The following CACNA2D3 variants were observed in gnomAD, a reference collection of about 807,000 sequenced individuals.
CACNA2D3 encodes the protein voltage-dependent calcium channel subunit alpha-2/delta-3.
CACNA2D3 carries 60 observed loss-of-function variants against 160.6 expected under a neutral mutation model. The ratio of observed to expected loss-of-function variants is 0.37; its 90% CI spans 0.30 to 0.46. CACNA2D3 has a LOEUF of 0.46. Among genes scored for constraint, CACNA2D3 ranks in the 20% least tolerant of loss-of-function variants. The pLI is 1.00. For missense variants in CACNA2D3, 1,205 were observed against 1,365.0 expected, an observed-to-expected ratio of 0.88 and a Z score of 1.85; for synonymous variants, 558 against 492.9, an observed-to-expected ratio of 1.13 and a Z score of -1.75.
intron 3 of CACNA2D3, among the ~76,000 whole-genome samples, chr3:54,348,553 C>A (rs1055636066): frequency 6.6e-6 from 1 of 152,216 alleles, no homozygotes. Flanking sequence ...ATTCGAAGCA[C>A]ACTATCAGGA....
At chr3:54,225,335 A>T (rs972181937) in intron 2 of CACNA2D3, among the ~76,000 whole-genome samples, 1 of 152,126 alleles carries the variant, frequency 6.6e-6, no homozygotes, top group African/African-American at 2.4e-5. Context: ...TGCATGACTG[A>T]ATATCTTTTA....
At chr3:54,489,698 T>C (rs999405033) in intron 4 of CACNA2D3, among the ~76,000 whole-genome samples, 1 of 152,226 alleles carries the variant, frequency 6.6e-6, no homozygotes, top group African/African-American at 2.4e-5. Context: ...AAATGCCCAG[T>C]GGCCAGCGAG....
At chr3:54,380,505 G>A (rs563521847) in intron 3 of CACNA2D3, among the ~76,000 whole-genome samples, 2 of 152,352 alleles carry the variant, frequency 1.3e-5, no homozygotes, top group South Asian at 4.1e-4. Flanking sequence ...TTGGGAGGCC[G>A]AGGCAGGCGG....
chr3:54,495,439 C>T (rs916221455), intron 4 of CACNA2D3, among the ~76,000 whole-genome samples: 16 of 151,994 alleles, frequency 1.1e-4, no homozygotes, highest in Non-Finnish European at 1.9e-4. Flanking sequence ...ACCTGAGTAA[C>T]CCATGTATCA....
chr3:54,788,524 TGAG>T (rs1320383759), intron 13 of CACNA2D3, among the ~76,000 whole-genome samples: 3 of 152,196 alleles, frequency 2.0e-5, no homozygotes, highest in Non-Finnish European at 4.4e-5. Flanking sequence ...ACTCTCCAAA[TGAG>T]GAGTGGAAAG....
chr3:54,138,719 C>T (rs576866620), intron 2 of CACNA2D3, among the ~76,000 whole-genome samples: 2 of 152,288 alleles, frequency 1.3e-5, no homozygotes, highest in South Asian at 4.1e-4. Flanking sequence ...AGTCATATTC[C>T]ATCCTCATTC....
chr3:55,064,763 A>G (rs894412115), intron 35 of CACNA2D3, among the ~76,000 whole-genome samples: 29 of 152,148 alleles, frequency 1.9e-4, no homozygotes, highest in African/African-American at 6.5e-4. Context: ...GGCATTAAGG[A>G]CATAGTCAAA....
chr3:54,611,517 G>A (rs1698748644), intron 9 of CACNA2D3, among the ~76,000 whole-genome samples: 1 of 152,088 alleles, frequency 6.6e-6, no homozygotes, highest in Non-Finnish European at 1.5e-5. Flanking sequence ...ATTCAGCAGT[G>A]GAATCATTTT....
intron 4 of CACNA2D3, among the ~76,000 whole-genome samples, chr3:54,394,368 ATTGTGCAGG>A (rs1331678434): frequency 6.8e-6 from 1 of 147,456 alleles, no homozygotes; most frequent in Admixed American, 6.9e-5. Flanking sequence ...ACATGTGCAC[ATTGTGCAGG>A]TTACATATGT....
chr3:54,184,526 T>G (rs925406095), intron 2 of CACNA2D3, among the ~76,000 whole-genome samples: 1 of 152,202 alleles, frequency 6.6e-6, no homozygotes, highest in Non-Finnish European at 1.5e-5. Context: ...GAAAAGGACA[T>G]TTGTCTCCCC....
At chr3:54,510,921 G>T (rs915806660) in intron 5 of CACNA2D3, among the ~76,000 whole-genome samples, 9 of 152,142 alleles carry the variant, frequency 5.9e-5, no homozygotes, top group African/African-American at 2.2e-4. Flanking sequence ...ATATGTAGGG[G>T]ATGCTCTTCC....
rs192715559 is a variant in CACNA2D3, at chr3:54,540,032, T to G, written c.545-22768T>G. ...CAATTTGCAGCCGTCTTGGAAGAGATAAGCTGTTGTTTCTTCCCAAGTGAA... is the reference window on the plus strand; with the variant it reads ...CAATTTGCAGCCGTCTTGGAAGAGAGAAGCTGTTGTTTCTTCCCAAGTGAA... On this transcript the variant is annotated intron_variant, in intron 5 of 37. Coordinates refer to ENST00000474759, the MANE Select transcript of CACNA2D3 (RefSeq NM_018398.3). 2.0e-5 allele frequency among the ~76,000 whole-genome samples: 3 copies of G among 152,296 alleles called. No individual in the cohort carries two copies. In the East Asian group the frequency reaches 5.8e-4, roughly 29 times the overall value.
Position 54,127,419 on chromosome 3 carries a change from C to T in CACNA2D3, c.204+3825C>T, listed in dbSNP as rs184287394. Among the ~76,000 whole-genome samples, 705 of 152,262 alleles carry T rather than the reference C, an allele frequency of 4.6e-3. 19 individuals are homozygous for T. Among genetic ancestry groups the T allele is most frequent in the Admixed American group, 0.041 (631 of 15,288 alleles). Reference sequence around the variant, plus strand: ...CAAAGTAAAAGGTTGGTGCTTTAAGCCATTTTTATAATTATGACTTTTCAT... The same window carrying T: ...CAAAGTAAAAGGTTGGTGCTTTAAGTCATTTTTATAATTATGACTTTTCAT... On this transcript the variant is annotated intron_variant, in intron 2 of 37. Transcript: ENST00000474759.
chr3:54,457,595 T>C (rs565234438), intron 4 of CACNA2D3, among the ~76,000 whole-genome samples: 7 of 152,134 alleles, frequency 4.6e-5, no homozygotes, highest in South Asian at 2.1e-4. Flanking sequence ...ACAGCTTATA[T>C]TGGATTTTTT....
intron 5 of CACNA2D3, among the ~76,000 whole-genome samples, chr3:54,530,249 G>T (rs1057278272): frequency 6.6e-6 from 1 of 152,134 alleles, no homozygotes; most frequent in African/African-American, 2.4e-5. Context: ...ACCGTATGTG[G>T]TCACAGCTGG....
chr3:54,848,486 A>T (rs1698983530), intron 17 of CACNA2D3, among the ~76,000 whole-genome samples: 1 of 152,212 alleles, frequency 6.6e-6, no homozygotes, highest in African/African-American at 2.4e-5. Context: ...GTTGCAGCTG[A>T]TCCATGACAA....
intron 3 of CACNA2D3, among the ~76,000 whole-genome samples, chr3:54,380,726 C>CAAAAAACAAAAAACA (rs1553641439): frequency 1.3e-5 from 2 of 150,968 alleles, no homozygotes; most frequent in East Asian, 2.0e-4. Flanking sequence ...GTCTCAAAAA[C>CAAAAAACAAAAAACA]AAAAAACAAA....
intron 13 of CACNA2D3, among the ~76,000 whole-genome samples, chr3:54,771,296 A>T (rs112936672): frequency 0.025 from 3,764 of 152,274 alleles, 79 homozygotes; most frequent in Non-Finnish European, 0.035. Context: ...CCCTTTAACA[A>T]ATCAGCACAG....
At chr3:55,012,449 A>T (rs1048406783) in intron 34 of CACNA2D3, among the ~76,000 whole-genome samples, 1 of 151,358 alleles carries the variant, frequency 6.6e-6, no homozygotes, top group Non-Finnish European at 1.5e-5. Context: ...GTCTGCTTTC[A>T]CTCCCACTTC....
Sources: allele counts gnomAD v4.1 joint callset (sites outside exome capture counted in the v4.1 genomes callset), GRCh38; gene constraint gnomAD v4.1.1; transcripts MANE v1.5; gene names NCBI Gene and HGNC (gene_info 2026-07-23, HGNC 2026-07-21).